Variants in FBXW7 observed in about 807,000 individuals in gnomAD.
FBXW7 encodes F-box and WD repeat domain containing 7.
A neutral mutation model predicts 86.3 loss-of-function variants in FBXW7; 11 were observed. The ratio of observed to expected loss-of-function variants is 0.13; its 90% CI spans 0.08 to 0.21. FBXW7 has a LOEUF of 0.21. FBXW7 is among the 10% of genes least tolerant of loss of function. FBXW7 has a pLI of 1.00. For synonymous variants in FBXW7, 313 were observed against 297.9 expected, an observed-to-expected ratio of 1.05 and a Z score of -0.52; for missense variants, 488 against 847.4, an observed-to-expected ratio of 0.58 and a Z score of 5.27.
intron 2 of FBXW7, among the ~76,000 whole-genome samples, chr4:152,447,367 AG>A (rs1453252881): frequency 6.6e-6 from 1 of 152,180 alleles, no homozygotes; most frequent in Non-Finnish European, 1.5e-5. Context: ...ACTTTACATG[AG>A]GTAGAGGTAT....
At chr4:152,332,511 A>G in intron 8 of FBXW7, 85 bp downstream of exon 8, 1 of 1,286,390 alleles carries the variant, frequency 7.8e-7, no homozygotes, top group Non-Finnish European at 1.0e-6. Flanking sequence ...GTAGCTGAAT[A>G]TTATTTTTAT....
At chr4:152,456,361 A>T (rs1448568243) in intron 2 of FBXW7, among the ~76,000 whole-genome samples, 29 of 33,574 alleles carry the variant, frequency 8.6e-4, no homozygotes, top group African/African-American at 5.1e-3. Context: ...AAAAATCCTT[A>T]AAAAAAAAAA....
chr4:152,328,303 C>T lies in FBXW7; in HGVS notation c.1323G>A (p.Arg441=), dbSNP rs2126514670. The change falls in exon 11 of 14, where the codon CGG becomes CGA. Residue 441 remains arginine, a synonymous_variant. Transcript: ENST00000281708. ...TCTCTGCATTCCACACTTTGAGTGTCCGATCTGTAGATCCACTAATGATGA... is the reference window on the plus strand; with the variant it reads ...TCTCTGCATTCCACACTTTGAGTGTTCGATCTGTAGATCCACTAATGATGA... The part of the protein sequence containing the change: ...DNIIISGSTD[R]TLKVWNAETG... 6.3e-7 allele frequency: 1 copy of T among 1,599,426 alleles called. No homozygotes were observed. The highest frequency in any genetic ancestry group is 8.5e-7 in the Non-Finnish European group (1 of 1,173,868).
chr4:152,446,621 C>T (rs1741427355), intron 2 of FBXW7, among the ~76,000 whole-genome samples: 1 of 152,218 alleles, frequency 6.6e-6, no homozygotes, highest in Non-Finnish European at 1.5e-5. Context: ...GGCAGCTCCA[C>T]TGAGGCTAGA....
intron 6 of FBXW7, among the ~76,000 whole-genome samples, chr4:152,346,289 T>G (rs1422404337): frequency 3.3e-5 from 5 of 152,146 alleles, no homozygotes; most frequent in Admixed American, 2.0e-4. Context: ...GAAGCTGTAT[T>G]AACTCTAGCT....
intron 13 of FBXW7, chr4:152,323,512 C>T (rs1296080777): frequency 3.6e-6 from 1 of 274,644 alleles, no homozygotes; most frequent in East Asian, 8.3e-5. Context: ...TCTATTACCC[C>T]ACCACCATGA....
intron 2 of FBXW7, among the ~76,000 whole-genome samples, chr4:152,473,829 T>A (rs901082722): frequency 6.6e-6 from 1 of 152,144 alleles, no homozygotes; most frequent in African/African-American, 2.4e-5. Flanking sequence ...CTTACAGTGA[T>A]CATTATGGGC....
chr4:152,474,072 A>C (rs1338446268), intron 2 of FBXW7, among the ~76,000 whole-genome samples: 1 of 152,228 alleles, frequency 6.6e-6, no homozygotes, highest in African/African-American at 2.4e-5. Context: ...AATGGTGACC[A>C]AATTAAGACA....
chr4:152,360,199 T>C lies in FBXW7; in HGVS notation c.502-10075A>G, dbSNP rs535327892. ...TGACTCATCATTCCATCTTAGGGCA[T>C]TATGTGTCTTTCTGTACTAGGAGAA... On this transcript the variant is annotated intron_variant, in intron 4 of 13. Transcript: ENST00000281708. Among the ~76,000 whole-genome samples the C allele has an allele frequency of 2.0e-5, 3 of 152,306 alleles. No individual in the cohort carries two copies. In the South Asian group the frequency reaches 6.2e-4, roughly 32 times the overall value.
chr4:152,533,208 G>GT (rs1208065384), intron 2 of FBXW7, among the ~76,000 whole-genome samples: 1 of 151,424 alleles, frequency 6.6e-6, no homozygotes, highest in African/African-American at 2.4e-5. Flanking sequence ...AAAAAATACC[G>GT]TAATTTTTAA....
chr4:152,500,493 CA>C (rs1371842727), intron 2 of FBXW7, among the ~76,000 whole-genome samples: 2 of 51,494 alleles, frequency 3.9e-5, no homozygotes, highest in Non-Finnish European at 6.7e-5. Context: ...GCTGCTTTGT[CA>C]GCAAAAAAAA....
intron 2 of FBXW7, among the ~76,000 whole-genome samples, chr4:152,467,194 G>A (rs1211733349): frequency 6.6e-6 from 1 of 152,166 alleles, no homozygotes; most frequent in East Asian, 1.9e-4. Flanking sequence ...CCAGTGCAAG[G>A]TAATCGAATC....
At chr4:152,346,153 A>G (rs1373668719) in intron 6 of FBXW7, among the ~76,000 whole-genome samples, 2 of 152,192 alleles carry the variant, frequency 1.3e-5, no homozygotes, top group African/African-American at 4.8e-5. Flanking sequence ...TATAAAGTTC[A>G]TAATATTCAG....
At chr4:152,362,295 T>C (rs1733037112) in intron 4 of FBXW7, among the ~76,000 whole-genome samples, 1 of 152,090 alleles carries the variant, frequency 6.6e-6, no homozygotes. Context: ...CAATGTATGT[T>C]CATAATTATA....
chr4:152,356,959 TAC>T (rs2126680358), intron 4 of FBXW7, among the ~76,000 whole-genome samples: 1 of 152,312 alleles, frequency 6.6e-6, no homozygotes, highest in Non-Finnish European at 1.5e-5. Flanking sequence ...CCATTGGAAA[TAC>T]AGTCAATTAA....
intron 4 of FBXW7, among the ~76,000 whole-genome samples, chr4:152,377,537 C>T (rs562729277): frequency 4.7e-5 from 7 of 150,174 alleles, no homozygotes; most frequent in African/African-American, 1.2e-4. Flanking sequence ...GGATCAACTG[C>T]GGTCAGGAGT....
intron 2 of FBXW7, among the ~76,000 whole-genome samples, chr4:152,452,053 T>C (rs371197252): frequency 1.3e-3 from 195 of 152,320 alleles, no homozygotes; most frequent in African/African-American, 4.4e-3. Context: ...TGTCAGAGTA[T>C]AGAGCATGTA....
At chr4:152,326,325 G>T in intron 11 of FBXW7, 94 bp from the exon 12 acceptor site, 114 of 741,534 alleles carry the variant, frequency 1.5e-4, no homozygotes, top group South Asian at 3.1e-4. Flanking sequence ...TTTAGTCAAG[G>T]TTTTTTAGCT....
chr4:152,479,223 TCATAGACTATACTGAGTA>T (rs1483350069), intron 2 of FBXW7, among the ~76,000 whole-genome samples: 1 of 152,138 alleles, frequency 6.6e-6, no homozygotes, highest in Non-Finnish European at 1.5e-5. Context: ...ACTGATTTTA[TCATAGACTATACTGAGTA>T]GTGAAACATA....
Sources: allele counts gnomAD v4.1 joint callset (sites outside exome capture counted in the v4.1 genomes callset), GRCh38; gene constraint gnomAD v4.1.1; transcripts MANE v1.5; gene names NCBI Gene and HGNC (gene_info 2026-07-23, HGNC 2026-07-21).